WIZ: variants seen among roughly 807,000 people sequenced by gnomAD.
WIZ encodes WIZ zinc finger, also known as protein Wiz.
WIZ carries 25 observed loss-of-function variants against 140.2 expected under a neutral mutation model. The observed-to-expected ratio is 0.18, with a 90% CI of 0.13 to 0.25. The LOEUF (loss-of-function observed/expected upper bound fraction) is 0.25. Ranked by LOEUF, WIZ falls within the 10% of genes least tolerant of loss-of-function variation. WIZ has a pLI of 1.00. For missense variants in WIZ, 2,231 were observed against 2,632.6 expected, an observed-to-expected ratio of 0.85 and a Z score of 3.34; for synonymous variants, 1,125 against 1,154.3, an observed-to-expected ratio of 0.97 and a Z score of 0.51.
In WIZ at chr19:15,440,371, T is replaced by A. The variant is rs1305547077; in HGVS notation, c.623A>T (p.Gln208Leu). Residue 208 changes from glutamine (Q) to leucine (L), a missense_variant, in exon 4 of 13, where the codon CAG (glutamine) becomes CTG (leucine). By Grantham distance (113) the Gln-to-Leu change is moderately radical. This residue lies in a region of WIZ where 307 missense variants were observed against 294.1 expected (regional missense o/e 1.04). Transcript: ENST00000673675. The surrounding 1 kb of genome is among the most constrained non-coding windows in gnomAD (Gnocchi z 6.2). ...CCTGAAGGGGGCGAGGGGTGGCGGC[T>A]GGGCAGGCAGGTCCAAGTGCAGCCC... ...DAGLHLDLPA[Q>L]PPPLAPFRRV... 1 of 1,531,294 alleles carries A rather than the reference T, an allele frequency of 6.5e-7. No homozygotes were observed. Among genetic ancestry groups the A allele is most frequent in the East Asian group, 2.5e-5 (1 of 40,772 alleles). 94.9% of individuals were successfully genotyped at this position (1,531,294 alleles called of 1,614,324 possible).
intron 6 of WIZ, 31 bp downstream of exon 6, chr19:15,430,981 C>A: frequency 6.7e-7 from 1 of 1,495,986 alleles, no homozygotes; most frequent in Non-Finnish European, 8.9e-7. Context: ...GCCTGGCCAG[C>A]ATCCCCTGCC....
Position 15,428,068 on chromosome 19 carries a change from A to C in WIZ, c.3814+42T>G. ...TGACCCCCCCCCCGGGAGGGGCTCC[A>C]GGGCCCGCAGTGAGGAGGGGGCAGC... On this transcript the variant is annotated intron_variant, in intron 8 of 12. Coordinates refer to ENST00000673675, the MANE Select transcript of WIZ (RefSeq NM_001371589.1). This position sits in a 1 kb window ranked among gnomAD's most constrained non-coding sequence, Gnocchi z 6.4. 6.6e-7 allele frequency: 1 copy of C among 1,521,300 alleles called. No individual in the cohort carries two copies. Among genetic ancestry groups the C allele is most frequent in the South Asian group, 1.2e-5 (1 of 81,938 alleles). 94.2% of individuals were successfully genotyped at this position (1,521,300 alleles called of 1,614,324 possible).
intron 3 of WIZ, among the ~76,000 whole-genome samples, chr19:15,441,246 A>G (rs1048844137): frequency 6.6e-6 from 1 of 152,022 alleles, no homozygotes; most frequent in African/African-American, 2.4e-5. Context: ...GGAGAGGTTG[A>G]AGGTCCCTGC....
At chr19:15,449,243 G>A (rs989344320) in intron 1 of WIZ, among the ~76,000 whole-genome samples, 1 of 152,098 alleles carries the variant, frequency 6.6e-6, no homozygotes, top group Admixed American at 6.5e-5. Context: ...GCCGGGCCCA[G>A]GCAACCGGGG....
Position 15,440,814 on chromosome 19 carries a change from C to G in WIZ, c.279-99G>C. On this transcript the variant is annotated intron_variant, in intron 3 of 12. Transcript: ENST00000673675. The surrounding 1 kb of genome is among the most constrained non-coding windows in gnomAD (Gnocchi z 6.2). ...CTCCCAGGCCGTTTGAAGCAGGCCCCGGAGATCCAGCCCGAGGGTGACAGG... is the reference window on the plus strand; with the variant it reads ...CTCCCAGGCCGTTTGAAGCAGGCCCGGGAGATCCAGCCCGAGGGTGACAGG... 4 of 1,115,066 alleles carry G rather than the reference C, an allele frequency of 3.6e-6. No homozygotes were observed. Among genetic ancestry groups the G allele is most frequent in the Non-Finnish European group, 4.8e-6 (4 of 839,050 alleles). The allele number at this position is 1,115,066 out of a possible 1,614,324, so 69.1% of individuals were successfully genotyped here.
intron 2 of WIZ, among the ~76,000 whole-genome samples, chr19:15,446,835 T>C (rs1969936618): frequency 6.6e-6 from 1 of 152,246 alleles, no homozygotes; most frequent in African/African-American, 2.4e-5. Context: ...GAGGATGGTG[T>C]GTGCTCAGTC....
chr19:15,445,386 C>A (rs1263048652), intron 2 of WIZ, among the ~76,000 whole-genome samples: 2 of 152,206 alleles, frequency 1.3e-5, no homozygotes, highest in Non-Finnish European at 2.9e-5. Context: ...AGCCACCGAC[C>A]CAGTCTCGCA....
At position 15,420,224 on chromosome 19, in the gene WIZ, A is replaced by T. The variant is rs1481398281; in HGVS notation, c.*2852T>A. Reference sequence around the variant, plus strand: ...CATGGGTTGGTGATGGATAGATGAGAGTCCATTTTACTGTTTGCTCTACTT... The same window carrying T: ...CATGGGTTGGTGATGGATAGATGAGTGTCCATTTTACTGTTTGCTCTACTT... On this transcript the variant is annotated 3_prime_UTR_variant, in exon 13 of 13. Transcript: ENST00000673675. 6.6e-6 allele frequency: 1 copy of T among 152,242 alleles called. No individual in the cohort carries two copies. The highest frequency in any genetic ancestry group is 1.9e-4 in the East Asian group (1 of 5,200). 9.4% of individuals were successfully genotyped at this position (152,242 alleles called of 1,614,324 possible).
At position 15,428,694 on chromosome 19, in the gene WIZ, C is replaced by A. The variant is rs906978131; in HGVS notation, c.3416-186G>T. Among the ~76,000 whole-genome samples the A allele has an allele frequency of 6.6e-6, 1 of 152,124 alleles. No homozygotes were observed. Among genetic ancestry groups the A allele is most frequent in the African/African-American group, 2.4e-5 (1 of 41,424 alleles). ...TGTTTCCTGCCTAGCCCTTTGGCATCGAGGGGAGTGTAGAGAGCTTAAGGA... is the reference window on the plus strand; with the variant it reads ...TGTTTCCTGCCTAGCCCTTTGGCATAGAGGGGAGTGTAGAGAGCTTAAGGA... On this transcript the variant is annotated intron_variant, in intron 7 of 12. Coordinates refer to ENST00000673675, the MANE Select transcript of WIZ (RefSeq NM_001371589.1). The surrounding 1 kb of genome is among the most constrained non-coding windows in gnomAD (Gnocchi z 6.4).
chr19:15,426,829 T>C (rs1968853026), intron 9 of WIZ, among the ~76,000 whole-genome samples, 153 bp downstream of exon 9: 1 of 152,242 alleles, frequency 6.6e-6, no homozygotes, highest in Non-Finnish European at 1.5e-5. Context: ...TGCAGGGGTC[T>C]GCATAGCAGG....
In WIZ at chr19:15,424,858, T is replaced by C. The variant is rs772510557; in HGVS notation, c.5069A>G (p.Tyr1690Cys). The C allele has an allele frequency of 1.3e-5, 21 of 1,610,738 alleles. No individual in the cohort carries two copies. The highest frequency in any genetic ancestry group is 1.7e-5 in the Non-Finnish European group (20 of 1,179,406). ...GCGGCCGCCCTGGATGTAGCTGCGG[T>C]AGGCGCCCACCTTCTGGGGCCGGTG... ...IKHRPQKVGA[Y>C]RSYIQGGRPF... Residue 1690 changes from tyrosine (Y) to cysteine (C), a missense_variant, in exon 11 of 13, where the codon TAC becomes TGC. By Grantham distance (194) the Tyr-to-Cys change is radical. This residue lies in a region of WIZ where 299 missense variants were observed against 309.6 expected (regional missense o/e 0.97). Coordinates refer to ENST00000673675, the MANE Select transcript of WIZ (RefSeq NM_001371589.1). The surrounding 1 kb of genome is among the most constrained non-coding windows in gnomAD (Gnocchi z 9.7).
Position 15,427,261 on chromosome 19 carries a change from C to A in WIZ, c.4087G>T (p.Ala1363Ser). Reference protein sequence around the residue: ...GGAGPGSSLEARSPSDLHISP... With the variant: ...GGAGPGSSLESRSPSDLHISP... ...ATGTGAAGGTCCGAGGGGCTGCGGG[C>A]TTCCAGTGAGCTGCCAGGACCTGCG... Residue 1363 changes from alanine (A) to serine (S), a missense_variant, in exon 9 of 13, where the codon GCC (alanine) becomes TCC (serine). Ala to Ser is a moderately conservative substitution (Grantham distance 99). Coordinates refer to ENST00000673675, the MANE Select transcript of WIZ (RefSeq NM_001371589.1). The surrounding 1 kb of genome is among the most constrained non-coding windows in gnomAD (Gnocchi z 6.4). 4 of 1,613,790 alleles carry A rather than the reference C, an allele frequency of 2.5e-6. No homozygotes were observed. The Admixed American group carries it at 5.0e-5, about 20-fold the overall frequency.
Position 15,442,872 on chromosome 19 carries a change from TGA to T in WIZ, c.206-126_206-125del, listed in dbSNP as rs1969792756. ...CCTGCTGGCTCCCAGTTCCTCTCCC[TGA>T]GAGGCCCGTGGCCTCTGTGGTCCTG... On this transcript the variant is annotated intron_variant, in intron 2 of 12. Transcript: ENST00000673675. The surrounding 1 kb of genome is among the most constrained non-coding windows in gnomAD (Gnocchi z 5.5). 5 of 491,824 alleles carry T rather than the reference TGA, an allele frequency of 1.0e-5. No homozygotes were observed. In the South Asian group the frequency reaches 5.3e-4, roughly 52 times the overall value. The allele number at this position is 491,824 out of a possible 1,614,324, so 30.5% of individuals were successfully genotyped here.
chr19:15,432,783 C>A (rs1969355881), intron 5 of WIZ, among the ~76,000 whole-genome samples: 1 of 151,566 alleles, frequency 6.6e-6, no homozygotes, highest in South Asian at 2.1e-4. Context: ...CTGCCGCCGC[C>A]GCCAAACCCG....
At chr19:15,425,830 GGAGGAGGGAGGAGGAGGAGGGAGGAGGGA>G in intron 9 of WIZ, 62 bp from the exon 10 acceptor site, 1 of 63,290 alleles carries the variant, frequency 1.6e-5, no homozygotes, top group African/African-American at 3.2e-4. Context: ...GGAGGAGGGA[GGAGGAGGGAGGAGGAGGAGGGAGGAGGGA>G]GGAGGAGGAG....
At chr19:15,432,243 G>A (rs972533509) in intron 5 of WIZ, among the ~76,000 whole-genome samples, 2 of 151,998 alleles carry the variant, frequency 1.3e-5, no homozygotes, top group African/African-American at 2.4e-5. Flanking sequence ...AGGTCTCGAG[G>A]AGCGGCGGAG....
Position 15,440,567 on chromosome 19 carries a change from A to G in WIZ, c.427T>C (p.Phe143Leu), listed in dbSNP as rs1426660936. The stretch of plus-strand genomic sequence containing the variant: ...GTTCTCACAATGACTGAGTCCTCGA[A>G]TCTCCGCTCAGATAGGATGCCCTCC... ...AGEGILSERR[F>L]EDSVIVRTMK... Residue 143 changes from phenylalanine to leucine, a missense_variant, in exon 4 of 13, where the codon TTC (phenylalanine) becomes CTC (leucine). This residue lies in a region of WIZ where 307 missense variants were observed against 294.1 expected (regional missense o/e 1.04). Transcript: ENST00000673675. This position sits in a 1 kb window ranked among gnomAD's most constrained non-coding sequence, Gnocchi z 6.2. 6.5e-7 allele frequency: 1 copy of G among 1,536,070 alleles called. No homozygotes were observed. The highest frequency in any genetic ancestry group is 1.2e-5 in the South Asian group (1 of 84,056).
Position 15,426,967 on chromosome 19 carries a change from C to T in WIZ, c.4366+15G>A. On this transcript the variant is annotated intron_variant, in intron 9 of 12. Coordinates refer to ENST00000673675, the MANE Select transcript of WIZ (RefSeq NM_001371589.1). ...TCCAACTGTTCTCCCTGCCCTACTG[C>T]AGGGTCACACTTACACAGGTTCAGG... The T allele has an allele frequency of 6.3e-7, 1 of 1,593,922 alleles. No homozygotes were observed. Among genetic ancestry groups the T allele is most frequent in the Non-Finnish European group, 8.6e-7 (1 of 1,167,786 alleles).
At position 15,439,542 on chromosome 19, in the gene WIZ, C is replaced by A; in HGVS notation, c.1452G>T (p.Arg484Ser). 1 of 1,521,384 alleles carries A rather than the reference C, an allele frequency of 6.6e-7. No homozygotes were observed. Among genetic ancestry groups the A allele is most frequent in the Non-Finnish European group, 8.8e-7 (1 of 1,138,900 alleles). 94.2% of individuals were successfully genotyped at this position (1,521,384 alleles called of 1,614,324 possible). A position where few individuals can be genotyped will look rare whatever the true frequency, so the allele number is the denominator to read the frequency against. Residue 484 changes from arginine (R) to serine (S), a missense_variant, in exon 4 of 13, where the codon AGG becomes AGT. This residue lies in a region of WIZ where 475 missense variants were observed against 520.2 expected (regional missense o/e 0.91). Coordinates refer to ENST00000673675, the MANE Select transcript of WIZ (RefSeq NM_001371589.1). This position sits in a 1 kb window ranked among gnomAD's most constrained non-coding sequence, Gnocchi z 7.0. The stretch of plus-strand genomic sequence containing the variant: ...CCCAGTGGGGATGGGCATGCACCAG[C>A]CTCACGTGCTCCCTGAGCAGGCTCT... Reference protein sequence around the residue: ...PSESLLREHVRLVHAHPHWEE... With the variant: ...PSESLLREHVSLVHAHPHWEE...
Sources: allele counts gnomAD v4.1 joint callset (sites outside exome capture counted in the v4.1 genomes callset), GRCh38; gene constraint gnomAD v4.1.1; regional missense constraint gnomAD v4.1.1; non-coding constraint Gnocchi (gnomAD v3.1); transcripts MANE v1.5; gene names NCBI Gene and HGNC (gene_info 2026-07-23, HGNC 2026-07-21).